The following CCDC201 variants were observed in gnomAD, a reference collection of about 807,000 sequenced individuals.
CCDC201 encodes coiled-coil domain containing 201, also known as coiled-coil domain-containing protein 201.
chr7:45,885,072 G>T, the CCDC201 span, among the ~76,000 whole-genome samples: 1 of 152,164 alleles, frequency 6.6e-6, no homozygotes, highest in East Asian at 1.9e-4. Context: ...ATAGAGTCCT[G>T]CAAGAAAGAG....
chr7:45,864,907 G>C lies in CCDC201; in HGVS notation c.477+1129C>G, dbSNP rs143407836. On this transcript the variant is annotated intron_variant, in intron 2 of 2. Transcript: ENST00000636578. ...AGAACACAGAGCCCAAGGTTAGGAA[G>C]GAAAAGTAGGGGAAGGTCTTCCAGA... Among the ~76,000 whole-genome samples the C allele has an allele frequency of 2.8e-3, 425 of 152,278 alleles. 3 individuals carry two copies. The highest frequency in any genetic ancestry group is 1.0e-2 in the African/African-American group (415 of 41,540).
At chr7:45,884,020 TC>T in the CCDC201 span, among the ~76,000 whole-genome samples, 2 of 57,466 alleles carry the variant, frequency 3.5e-5, no homozygotes, top group Admixed American at 1.9e-4. Context: ...TTTCTTTCTC[TC>T]TCTTTCTTCC....
chr7:45,865,185 T>C (rs1401475078), intron 2 of CCDC201, among the ~76,000 whole-genome samples: 1 of 152,214 alleles, frequency 6.6e-6, no homozygotes, highest in Non-Finnish European at 1.5e-5. Context: ...GGCAGAATTC[T>C]GCCAGGAGAG....
Position 45,863,485 on chromosome 7 carries a change from A to T in CCDC201, c.478-314T>A, listed in dbSNP as rs182687381. On this transcript the variant is annotated intron_variant, in intron 2 of 2. Coordinates refer to ENST00000636578, the Ensembl canonical transcript of CCDC201. Reference sequence around the variant, plus strand: ...GGGAAGGGGCAGACAGGCTGCGAGCATGGAGTAGACGAGCCTGCGTGGGAA... The same window carrying T: ...GGGAAGGGGCAGACAGGCTGCGAGCTTGGAGTAGACGAGCCTGCGTGGGAA... Among the ~76,000 whole-genome samples the T allele has an allele frequency of 4.1e-4, 62 of 152,298 alleles. 1 individual carries two copies. The East Asian group carries it at 0.011, about 28-fold the overall frequency.
chr7:45,863,875 C>A (rs1479358477), intron 2 of CCDC201, among the ~76,000 whole-genome samples: 1 of 152,126 alleles, frequency 6.6e-6, no homozygotes, highest in Non-Finnish European at 1.5e-5. Context: ...AGAGGGCCAG[C>A]TGTAAGAGCA....
At chr7:45,871,656 C>A (rs1209123340) in intron 1 of CCDC201, among the ~76,000 whole-genome samples, 1 of 152,080 alleles carries the variant, frequency 6.6e-6, no homozygotes, top group Non-Finnish European at 1.5e-5. Flanking sequence ...AAAAGATGAA[C>A]CACAATTTCT....
chr7:45,861,790 C>CT (rs1469505960), exon 3 of CCDC201: 1 of 152,254 alleles, frequency 6.6e-6, no homozygotes, highest in African/African-American at 2.4e-5. Flanking sequence ...GCCAGCCCAC[C>CT]TGTCCGCACA....
chr7:45,881,453 A>G, the CCDC201 span, among the ~76,000 whole-genome samples: 1 of 152,208 alleles, frequency 6.6e-6, no homozygotes, highest in Non-Finnish European at 1.5e-5. Flanking sequence ...CGGCTTGCCT[A>G]GTAACAGAGT....
chr7:45,877,164 A>G (rs34882343), upstream of CCDC201, among the ~76,000 whole-genome samples: 6,960 of 152,260 alleles, frequency 0.046, 217 homozygotes, highest in Admixed American at 0.066. Context: ...TAAACTCAAC[A>G]ACTTTTAGCA....
upstream of CCDC201, among the ~76,000 whole-genome samples, chr7:45,875,787 C>A (rs1451473840): frequency 6.6e-6 from 1 of 151,770 alleles, no homozygotes; most frequent in African/African-American, 2.4e-5. Flanking sequence ...CTATGTGCCA[C>A]CTGGGCGTGA....
the CCDC201 span, among the ~76,000 whole-genome samples, chr7:45,883,233 A>G: frequency 6.6e-6 from 1 of 152,174 alleles, no homozygotes. Flanking sequence ...ACAGAAGGAC[A>G]TCTATGTGCT....
At chr7:45,872,802 G>A (rs919028921) in intron 1 of CCDC201, among the ~76,000 whole-genome samples, 188 bp downstream of exon 1, 30 of 152,290 alleles carry the variant, frequency 2.0e-4, no homozygotes, top group African/African-American at 6.5e-4. Flanking sequence ...TGCCCGGCCT[G>A]CCCAACCCAC....
chr7:45,875,660 C>T (rs998738167), upstream of CCDC201, among the ~76,000 whole-genome samples: 6 of 152,142 alleles, frequency 3.9e-5, no homozygotes, highest in African/African-American at 1.4e-4. Context: ...AATTCATTTT[C>T]CAGATGGGGA....
At chr7:45,867,098 T>C (rs936585400) in intron 1 of CCDC201, among the ~76,000 whole-genome samples, 21 of 152,218 alleles carry the variant, frequency 1.4e-4, no homozygotes, top group African/African-American at 5.1e-4. Context: ...TCTCAGATCC[T>C]GATGAACTAT....
At chr7:45,876,551 T>G (rs1037123264), upstream of CCDC201, among the ~76,000 whole-genome samples, 1 of 152,206 alleles carries the variant, frequency 6.6e-6, no homozygotes, top group African/African-American at 2.4e-5. Context: ...ACTCTAGGGT[T>G]GCCCTGACCT....
intron 2 of CCDC201, among the ~76,000 whole-genome samples, chr7:45,864,662 A>G (rs747580261): frequency 3.9e-5 from 6 of 152,200 alleles, no homozygotes; most frequent in Non-Finnish European, 7.3e-5. Context: ...CTGCAAAATC[A>G]GCACCCTCAG....
chr7:45,880,400 C>A, the CCDC201 span, among the ~76,000 whole-genome samples: 1 of 152,222 alleles, frequency 6.6e-6, no homozygotes, highest in African/African-American at 2.4e-5. Context: ...GATCCTCATA[C>A]GGTAACTCCA....
chr7:45,877,351 G>A (rs916983518), upstream of CCDC201, among the ~76,000 whole-genome samples: 13 of 152,140 alleles, frequency 8.5e-5, no homozygotes, highest in Admixed American at 5.9e-4. Context: ...TTGACCCCAG[G>A]ATGTAAATAA....
At chr7:45,865,491 C>T (rs1228548735) in intron 2 of CCDC201, among the ~76,000 whole-genome samples, 2 of 152,226 alleles carry the variant, frequency 1.3e-5, no homozygotes, top group African/African-American at 2.4e-5. Context: ...AGGAATGTAA[C>T]AGCTCCCTCT....
Sources: allele counts gnomAD v4.1 joint callset (sites outside exome capture counted in the v4.1 genomes callset), GRCh38; gene constraint gnomAD v4.1.1; transcripts MANE v1.5; gene names NCBI Gene and HGNC (gene_info 2026-07-23, HGNC 2026-07-21).